Variants in APBA2 observed in about 807,000 individuals in gnomAD.
APBA2 encodes amyloid beta precursor protein binding family A member 2.
APBA2 carries 30 observed loss-of-function variants against 75.0 expected under a neutral mutation model. That is an observed-to-expected ratio of 0.40 (90% CI 0.30 to 0.54). The LOEUF (loss-of-function observed/expected upper bound fraction) is 0.54. Among genes scored for constraint, APBA2 ranks in the 20% least tolerant of loss-of-function variants. The pLI is 0.49. For missense variants in APBA2, 801 were observed against 1,016.1 expected (o/e 0.79, Z 2.88); for synonymous variants, 444 against 409.6 (o/e 1.08, Z -1.01).
rs1379509193 is a variant in APBA2, at chr15:28,918,582, A to C, written c.-204-3058A>C. The stretch of plus-strand genomic sequence containing the variant: ...GTCATTGTGGGAACACTCGGGCGGG[A>C]TGTATTTTAAAGGAGTGCCTGATGC... On this transcript the variant is annotated intron_variant, in intron 1 of 14. Transcript: ENST00000683413. The surrounding 1 kb of genome is among the most constrained non-coding windows in gnomAD (Gnocchi z 4.2). Among the ~76,000 whole-genome samples the C allele has an allele frequency of 9.1e-6, 1 of 109,998 alleles. No homozygotes were observed. Among genetic ancestry groups the C allele is most frequent in the Non-Finnish European group, 1.7e-5 (1 of 57,392 alleles). 72.2% of individuals were successfully genotyped at this position (109,998 alleles called of 152,430 possible). A position where few individuals can be genotyped will look rare whatever the true frequency, so the allele number is the denominator to read the frequency against.
At chr15:28,913,153 G>T (rs1206352511) in intron 1 of APBA2, among the ~76,000 whole-genome samples, 1 of 152,200 alleles carries the variant, frequency 6.6e-6, no homozygotes, top group Non-Finnish European at 1.5e-5. Context: ...GGCCAAAAGG[G>T]GTTGGCTTGG....
intron 9 of APBA2, among the ~76,000 whole-genome samples, chr15:29,099,693 T>C (rs972503487): frequency 7.9e-5 from 12 of 152,344 alleles, no homozygotes; most frequent in African/African-American, 2.9e-4. Flanking sequence ...AGGCGGGCCT[T>C]TCTGGGTACA....
chr15:29,016,589 G>GA (rs746203394), intron 3 of APBA2, among the ~76,000 whole-genome samples: 2 of 152,174 alleles, frequency 1.3e-5, no homozygotes, highest in Non-Finnish European at 2.9e-5. Flanking sequence ...GGGAAGGTTA[G>GA]AAATCAAGAG....
intron 12 of APBA2, 94 bp from the exon 13 acceptor site, chr15:29,108,176 C>T (rs2279483): frequency 0.83 from 1,310,621 of 1,577,206 alleles, 563,820 homozygotes; most frequent in Non-Finnish European, 0.89. Flanking sequence ...GTTCTCACTG[C>T]CCCCGGCCTC....
intron 13 of APBA2, 27 bp downstream of exon 13, chr15:29,108,416 AC>A (rs1243948139): frequency 1.2e-6 from 2 of 1,613,346 alleles, no homozygotes; most frequent in South Asian, 2.2e-5. Flanking sequence ...GCTCTGGGCC[AC>A]CACCACCACT....
At chr15:28,959,198 A>G (rs2036334338) in intron 2 of APBA2, among the ~76,000 whole-genome samples, 1 of 152,162 alleles carries the variant, frequency 6.6e-6, no homozygotes. Flanking sequence ...CATGTTGGCC[A>G]GGACGGTCTT....
At chr15:29,089,572 A>G (rs1306744006) in intron 6 of APBA2, among the ~76,000 whole-genome samples, 1 of 152,142 alleles carries the variant, frequency 6.6e-6, no homozygotes, top group Non-Finnish European at 1.5e-5. Flanking sequence ...GCCTCTGTCC[A>G]CCACCCATGT....
intron 2 of APBA2, among the ~76,000 whole-genome samples, chr15:28,940,890 A>G (rs969492951): frequency 6.6e-6 from 1 of 152,210 alleles, no homozygotes; most frequent in Non-Finnish European, 1.5e-5. Context: ...GAGGAAAAAA[A>G]CTATTAAAGT....
intron 3 of APBA2, among the ~76,000 whole-genome samples, chr15:29,006,164 T>C (rs1318135242): frequency 1.3e-5 from 2 of 152,202 alleles, no homozygotes; most frequent in Admixed American, 6.5e-5. Context: ...TCACATGTCA[T>C]GGTCTTATGC....
chr15:28,977,262 G>A (rs2037387070), intron 2 of APBA2: 1 of 151,968 alleles, frequency 6.6e-6, no homozygotes, highest in African/African-American at 2.4e-5. Flanking sequence ...TCACATCGGG[G>A]AGAGAGAGAG....
chr15:28,886,499 C>A (rs1184259285), intron 1 of APBA2, among the ~76,000 whole-genome samples: 1 of 150,014 alleles, frequency 6.7e-6, no homozygotes, highest in African/African-American at 2.5e-5. Context: ...CCGCTTCCCC[C>A]TCCCACGACG....
chr15:29,000,095 T>A (rs1263099574), intron 3 of APBA2, among the ~76,000 whole-genome samples: 1 of 152,206 alleles, frequency 6.6e-6, no homozygotes, highest in Non-Finnish European at 1.5e-5. Context: ...TTACTCAGTC[T>A]GCCAATTCCA....
At chr15:29,111,000 T>G (rs1039610707) in intron 13 of APBA2, among the ~76,000 whole-genome samples, 1 of 150,048 alleles carries the variant, frequency 6.7e-6, no homozygotes, top group African/African-American at 2.5e-5. Flanking sequence ...AAGCTGAGGG[T>G]GGTGGTGCGG....
At chr15:28,984,356 A>T (rs2037784850) in intron 2 of APBA2, among the ~76,000 whole-genome samples, 1 of 152,050 alleles carries the variant, frequency 6.6e-6, no homozygotes, top group African/African-American at 2.4e-5. Context: ...ACCCCATGAC[A>T]TAGGCTTATA....
chr15:29,054,246 A>T lies in APBA2; in HGVS notation c.362A>T (p.Tyr121Phe). 1 of 1,614,112 alleles carries T rather than the reference A, an allele frequency of 6.2e-7. No homozygotes were observed. Among genetic ancestry groups the T allele is most frequent in the Non-Finnish European group, 8.5e-7 (1 of 1,180,022 alleles). The stretch of plus-strand genomic sequence containing the variant: ...GGCATGGACTGCAACGGGGAGGAGT[A>T]CCTGGCCCACAGTGCACACCCTGTG... The part of the protein sequence containing the change: ...LEGMDCNGEE[Y>F]LAHSAHPVDT... The change falls in exon 4 of 15, where the codon TAC (tyrosine) becomes TTC (phenylalanine). Residue 121 changes from tyrosine to phenylalanine, a missense_variant. By Grantham distance (22) the Tyr-to-Phe change is conservative (BLOSUM62 3). Coordinates refer to ENST00000683413, the MANE Select transcript of APBA2 (RefSeq NM_001353788.2). The surrounding 1 kb of genome is among the most constrained non-coding windows in gnomAD (Gnocchi z 6.1).
At chr15:29,011,813 C>T (rs1460542318) in intron 3 of APBA2, among the ~76,000 whole-genome samples, 4 of 151,958 alleles carry the variant, frequency 2.6e-5, no homozygotes, top group African/African-American at 4.8e-5. Context: ...GTCAATTCTC[C>T]CTTTATAAAT....
chr15:28,935,972 A>T (rs2034843236), intron 2 of APBA2, among the ~76,000 whole-genome samples: 1 of 151,922 alleles, frequency 6.6e-6, no homozygotes, highest in Admixed American at 6.6e-5. Context: ...GTGTGTTCAG[A>T]TCAATTTTTG....
chr15:28,933,642 C>T (rs549548218), intron 2 of APBA2, among the ~76,000 whole-genome samples: 2 of 152,208 alleles, frequency 1.3e-5, no homozygotes, highest in Non-Finnish European at 2.9e-5. Context: ...CAGACCTTAT[C>T]ATTGAGTTAG....
rs138551660 is a variant in APBA2, at chr15:28,909,908, C to T, written c.-204-11732C>T. 5.9e-5 allele frequency among the ~76,000 whole-genome samples: 9 copies of T among 152,242 alleles called. No individual in the cohort carries two copies. In the East Asian group the frequency reaches 1.7e-3, roughly 29 times the overall value. On this transcript the variant is annotated intron_variant, in intron 1 of 14. Coordinates refer to ENST00000683413, the MANE Select transcript of APBA2 (RefSeq NM_001353788.2). ...GTGCTCTTGCTAAGAATGGAAAGCC[C>T]CTCTGCGTGACTGCAGTAGCTGGTG...
Sources: allele counts gnomAD v4.1 joint callset (sites outside exome capture counted in the v4.1 genomes callset), GRCh38; gene constraint gnomAD v4.1.1; non-coding constraint Gnocchi (gnomAD v3.1); transcripts MANE v1.5; gene names NCBI Gene and HGNC (gene_info 2026-07-23, HGNC 2026-07-21).